Variants in ATG2B observed in about 807,000 individuals in gnomAD.
ATG2B encodes the protein autophagy related 2B, also known as autophagy-related protein 2 homolog B.
ATG2B carries 121 observed loss-of-function variants against 241.3 expected under a neutral mutation model. The ratio of observed to expected loss-of-function variants is 0.50; its 90% CI spans 0.43 to 0.58. The LOEUF (loss-of-function observed/expected upper bound fraction) is 0.58, where lower values mean the gene tolerates loss of function less well. ATG2B is among the 20% of genes least tolerant of loss of function. The pLI is 0.00. For missense variants in ATG2B, 2,306 were observed against 2,491.6 expected (o/e 0.93, Z 1.59); for synonymous variants, 858 against 876.6 (o/e 0.98, Z 0.37).
rs1293160301 is a variant in ATG2B, at chr14:96,283,680, G to C, written c.*2075C>G. The C allele has an allele frequency of 1.3e-5, 2 of 152,180 alleles. No individual in the cohort carries two copies. The highest frequency in any genetic ancestry group is 4.8e-5 in the African/African-American group (2 of 41,444). The allele number at this position is 152,180 out of a possible 1,614,324, so 9.4% of individuals were successfully genotyped here. A position where few individuals can be genotyped will look rare whatever the true frequency, so the allele number is the denominator to read the frequency against. ...TCATCACAACACCAAAGTCTGAAAAGACACTTGTAAAAAAGAAAAAGCTTA... is the reference window on the plus strand; with the variant it reads ...TCATCACAACACCAAAGTCTGAAAACACACTTGTAAAAAAGAAAAAGCTTA... On this transcript the variant is annotated 3_prime_UTR_variant, in exon 42 of 42. Transcript: ENST00000359933.
intron 1 of ATG2B, among the ~76,000 whole-genome samples, chr14:96,349,289 C>T (rs1246869525): frequency 6.6e-6 from 1 of 152,136 alleles, no homozygotes; most frequent in African/African-American, 2.4e-5. Context: ...TGTGCCAGGG[C>T]GAAGACCCAG....
At chr14:96,306,993 A>G in intron 29 of ATG2B, 77 bp from the exon 30 acceptor site, 1 of 1,246,192 alleles carries the variant, frequency 8.0e-7, no homozygotes. Flanking sequence ...TGTGTCAGAT[A>G]TATGTTGTGT....
chr14:96,358,253 T>C (rs539182570), intron 1 of ATG2B, among the ~76,000 whole-genome samples: 6 of 151,984 alleles, frequency 3.9e-5, no homozygotes, highest in South Asian at 2.1e-4. Flanking sequence ...CTGGGCAACA[T>C]AGTGAAATCC....
chr14:96,289,555 G>A lies in ATG2B; in HGVS notation c.6006+101C>T. Reference sequence around the variant, plus strand: ...GTGGCAGTTGCCATTCTGCTCCCAGGGATTTCTACAGAATACATTTAAGCC... The same window carrying A: ...GTGGCAGTTGCCATTCTGCTCCCAGAGATTTCTACAGAATACATTTAAGCC... On this transcript the variant is annotated intron_variant, in intron 41 of 41. Transcript: ENST00000359933. This position sits in a 1 kb window ranked among gnomAD's most constrained non-coding sequence, Gnocchi z 4.3. 7.1e-7 allele frequency: 1 copy of A among 1,410,962 alleles called. No individual in the cohort carries two copies. The highest frequency in any genetic ancestry group is 9.7e-7 in the Non-Finnish European group (1 of 1,033,502). The allele number at this position is 1,410,962 out of a possible 1,614,324, so 87.4% of individuals were successfully genotyped here. A position where few individuals can be genotyped will look rare whatever the true frequency, so the allele number is the denominator to read the frequency against.
intron 21 of ATG2B, among the ~76,000 whole-genome samples, chr14:96,316,215 AAATTT>A (rs1295616470): frequency 6.6e-6 from 1 of 152,202 alleles, no homozygotes; most frequent in African/African-American, 2.4e-5. Flanking sequence ...AAAGTGTATG[AAATTT>A]CTTCATGGGG....
At position 96,347,366 on chromosome 14, in the gene ATG2B, A is replaced by T. The variant is rs4905483; in HGVS notation, c.163-25T>A. The T allele has an allele frequency of 0.96, 1,471,946 of 1,528,406 alleles. 713,685 individuals are homozygous for T. The highest frequency in any genetic ancestry group is 0.99 in the Non-Finnish European group (1,111,850 of 1,123,076). The allele number at this position is 1,528,406 out of a possible 1,614,324, so 94.7% of individuals were successfully genotyped here. A position where few individuals can be genotyped will look rare whatever the true frequency, so the allele number is the denominator to read the frequency against. On this transcript the variant is annotated intron_variant, in intron 1 of 41. Coordinates refer to ENST00000359933, the MANE Select transcript of ATG2B (RefSeq NM_018036.7). Reference sequence around the variant, plus strand: ...ACTAAGGAGAAAAAACAGGTTCATTATGAATCACAAGAACAAGAACACAAA... The same window carrying T: ...ACTAAGGAGAAAAAACAGGTTCATTTTGAATCACAAGAACAAGAACACAAA...
rs533365492 is a variant in ATG2B, at chr14:96,284,410, C to T, written c.*1345G>A. ...TTTCCTGCTTAGAAAATTTAGAGAA[C>T]GAAATTGATTTAACTACATTTTCCA... is the stretch of plus-strand genomic sequence containing the variant. On this transcript the variant is annotated 3_prime_UTR_variant, in exon 42 of 42. Coordinates refer to ENST00000359933, the MANE Select transcript of ATG2B (RefSeq NM_018036.7). 4 of 152,116 alleles carry T rather than the reference C, an allele frequency of 2.6e-5. No individual in the cohort carries two copies. The highest frequency in any genetic ancestry group is 4.8e-5 in the African/African-American group (2 of 41,412). 9.4% of individuals were successfully genotyped at this position (152,116 alleles called of 1,614,324 possible).
Position 96,289,353 on chromosome 14 carries a change from A to T in ATG2B, c.6006+303T>A. 4.1e-6 allele frequency: 1 copy of T among 241,176 alleles called. No individual in the cohort carries two copies. Among genetic ancestry groups the T allele is most frequent in the Non-Finnish European group, 8.1e-6 (1 of 123,890 alleles). The allele number at this position is 241,176 out of a possible 1,614,324, so 14.9% of individuals were successfully genotyped here. ...TCTGAGGTAAGCAGGGCAGAGTATA[A>T]ATGTGTTAAACCTAGACAGCGATCA... On this transcript the variant is annotated intron_variant, in intron 41 of 41. Coordinates refer to ENST00000359933, the MANE Select transcript of ATG2B (RefSeq NM_018036.7). The surrounding 1 kb of genome is among the most constrained non-coding windows in gnomAD (Gnocchi z 4.3).
chr14:96,283,879 G>A lies in ATG2B; in HGVS notation c.*1876C>T, dbSNP rs988844799. On this transcript the variant is annotated 3_prime_UTR_variant, in exon 42 of 42. Coordinates refer to ENST00000359933, the MANE Select transcript of ATG2B (RefSeq NM_018036.7). ...GAGGGTAGAACAAAGAAAGAACCGC[G>A]GAGATTACATTACAAAGATATATGT... 1.3e-5 allele frequency: 2 copies of A among 152,048 alleles called. No homozygotes were observed. The highest frequency in any genetic ancestry group is 2.9e-5 in the Non-Finnish European group (2 of 68,010). 9.4% of individuals were successfully genotyped at this position (152,048 alleles called of 1,614,324 possible).
chr14:96,353,292 T>A (rs1195248094), intron 1 of ATG2B, among the ~76,000 whole-genome samples: 3 of 152,114 alleles, frequency 2.0e-5, no homozygotes, highest in Non-Finnish European at 4.4e-5. Context: ...ATAAAATGAA[T>A]ATAGTAAGCC....
chr14:96,355,131 C>T (rs958914455), intron 1 of ATG2B, among the ~76,000 whole-genome samples: 1 of 152,148 alleles, frequency 6.6e-6, no homozygotes, highest in African/African-American at 2.4e-5. Context: ...TGTGCAGAAG[C>T]TCTTTAATTA....
intron 29 of ATG2B, among the ~76,000 whole-genome samples, chr14:96,308,025 C>G (rs1416958034): frequency 7.4e-6 from 1 of 135,332 alleles, no homozygotes; most frequent in African/African-American, 2.6e-5. Context: ...ACAGCAGTAC[C>G]TCAGAATTAC....
At position 96,343,823 on chromosome 14, in the gene ATG2B, A is replaced by C. The variant is rs117881090; in HGVS notation, c.582-542T>G. 2.6e-5 allele frequency among the ~76,000 whole-genome samples: 4 copies of C among 152,350 alleles called. No individual in the cohort carries two copies. In the East Asian group the frequency reaches 7.7e-4, roughly 29 times the overall value. On this transcript the variant is annotated intron_variant, in intron 4 of 41. Transcript: ENST00000359933. ...ATGCATGAAATTTTAGATTTTTTTA[A>C]ATCTACTATTTAAGGCAATGGACCC...
In ATG2B at chr14:96,296,740, G is replaced by A. The variant is rs865937386; in HGVS notation, c.5140-1180C>T. Among the ~76,000 whole-genome samples the A allele has an allele frequency of 5.0e-4, 72 of 145,428 alleles. 1 individual carries two copies. In the Middle Eastern group the frequency reaches 0.011, roughly 21 times the overall value. On this transcript the variant is annotated intron_variant, in intron 34 of 41. Transcript: ENST00000359933. Reference sequence around the variant, plus strand: ...CACGCCATTGCACTCCAGCCCAGGCGACAGTGCGAGACACTGTCTCAAAAA... The same window carrying A: ...CACGCCATTGCACTCCAGCCCAGGCAACAGTGCGAGACACTGTCTCAAAAA...
At chr14:96,291,554 A>T (rs1886483612) in intron 38 of ATG2B, 46 bp downstream of exon 38, 1 of 1,413,814 alleles carries the variant, frequency 7.1e-7, no homozygotes, top group African/African-American at 1.4e-5. Context: ...GTTGTACACT[A>T]ACTTTGATAA....
Position 96,290,071 on chromosome 14 carries a change from A to G in ATG2B, c.5857-266T>C. 8.4e-7 allele frequency: 1 copy of G among 1,190,526 alleles called. No homozygotes were observed. Among genetic ancestry groups the G allele is most frequent in the Non-Finnish European group, 1.1e-6 (1 of 922,314 alleles). The allele number at this position is 1,190,526 out of a possible 1,614,324, so 73.7% of individuals were successfully genotyped here. On this transcript the variant is annotated intron_variant, in intron 40 of 41. Coordinates refer to ENST00000359933, the MANE Select transcript of ATG2B (RefSeq NM_018036.7). This position sits in a 1 kb window ranked among gnomAD's most constrained non-coding sequence, Gnocchi z 4.4. ...CACTGAGAACACTCAACATTTCCAC[A>G]TCAGTCTATGGAGCTTAATACTTAC...
chr14:96,361,444 A>G (rs546003429), intron 1 of ATG2B, among the ~76,000 whole-genome samples: 1 of 152,350 alleles, frequency 6.6e-6, no homozygotes, highest in African/African-American at 2.4e-5. Context: ...GATAATGCAT[A>G]CAAAGCCCTT....
At chr14:96,324,459 C>T (rs1392167296) in intron 15 of ATG2B, among the ~76,000 whole-genome samples, 1 of 151,990 alleles carries the variant, frequency 6.6e-6, no homozygotes, top group African/African-American at 2.4e-5. Context: ...CTGAGGCAGG[C>T]GGATCACCTG....
chr14:96,359,745 T>C (rs776276495), intron 1 of ATG2B, among the ~76,000 whole-genome samples: 1 of 152,192 alleles, frequency 6.6e-6, no homozygotes, highest in Non-Finnish European at 1.5e-5. Flanking sequence ...TTGCCTCTAT[T>C]TCTCCCTCCA....
Sources: allele counts gnomAD v4.1 joint callset (sites outside exome capture counted in the v4.1 genomes callset), GRCh38; gene constraint gnomAD v4.1.1; non-coding constraint Gnocchi (gnomAD v3.1); transcripts MANE v1.5; gene names NCBI Gene and HGNC (gene_info 2026-07-23, HGNC 2026-07-21).